KCND2: variants seen among roughly 807,000 people sequenced by gnomAD.
The protein encoded by KCND2 is potassium voltage-gated channel subfamily D member 2.
Under a neutral mutation model 54.4 loss-of-function variants are expected in KCND2, and 16 were observed. That is an observed-to-expected ratio of 0.29 (90% CI 0.20 to 0.45). The LOEUF is 0.45. Ranked by LOEUF, KCND2 falls within the 20% of genes least tolerant of loss-of-function variation. The pLI, the probability that KCND2 is intolerant of heterozygous loss-of-function variation, is 1.00. For synonymous variants in KCND2, 317 were observed against 310.7 expected, an observed-to-expected ratio of 1.02 and a Z score of -0.21; for missense variants, 486 against 824.2, an observed-to-expected ratio of 0.59 and a Z score of 5.02.
chr7:120,416,012 A>G (rs1255054477), intron 1 of KCND2, among the ~76,000 whole-genome samples: 1 of 152,196 alleles, frequency 6.6e-6, no homozygotes, highest in Non-Finnish European at 1.5e-5. Context: ...CTCCAGAGAT[A>G]TCTGAGTAAC....
intron 1 of KCND2, among the ~76,000 whole-genome samples, chr7:120,692,007 A>C (rs1792276012): frequency 6.6e-6 from 1 of 152,174 alleles, no homozygotes; most frequent in Non-Finnish European, 1.5e-5. Flanking sequence ...CAGATTTAGC[A>C]ATTTAGAGAA....
chr7:120,523,982 T>A (rs1178081436), intron 1 of KCND2, among the ~76,000 whole-genome samples: 1 of 152,006 alleles, frequency 6.6e-6, no homozygotes, highest in Non-Finnish European at 1.5e-5. Context: ...AGGCCTGTAA[T>A]CCCAGCACTT....
chr7:120,459,615 A>G (rs1199997588), intron 1 of KCND2, among the ~76,000 whole-genome samples: 2 of 152,212 alleles, frequency 1.3e-5, no homozygotes, highest in African/African-American at 4.8e-5. Flanking sequence ...CACATTGCCT[A>G]AAATAGTAAG....
At chr7:120,638,937 A>G (rs1309968967) in intron 1 of KCND2, among the ~76,000 whole-genome samples, 1 of 152,140 alleles carries the variant, frequency 6.6e-6, no homozygotes, top group Non-Finnish European at 1.5e-5. Context: ...AACTTTTAAA[A>G]GTGAAAACCA....
At chr7:120,599,673 G>A (rs1792790176) in intron 1 of KCND2, among the ~76,000 whole-genome samples, 1 of 151,942 alleles carries the variant, frequency 6.6e-6, no homozygotes, top group Non-Finnish European at 1.5e-5. Context: ...GTGCTACCTT[G>A]TTAAACTCAT....
chr7:120,574,125 ACTTTTT>A (rs1792398201), intron 1 of KCND2, among the ~76,000 whole-genome samples: 1 of 152,200 alleles, frequency 6.6e-6, no homozygotes, highest in Non-Finnish European at 1.5e-5. Flanking sequence ...AAGATCCTTG[ACTTTTT>A]CTTGTTCTTT....
chr7:120,727,857 C>T (rs904654527), intron 1 of KCND2, among the ~76,000 whole-genome samples: 7 of 151,704 alleles, frequency 4.6e-5, no homozygotes, highest in African/African-American at 1.7e-4. Context: ...TATGGGGGGC[C>T]GGGCACGGTG....
chr7:120,556,271 A>C (rs1389195113), intron 1 of KCND2, among the ~76,000 whole-genome samples: 1 of 152,210 alleles, frequency 6.6e-6, no homozygotes, highest in African/African-American at 2.4e-5. Context: ...GCCAAAGAGA[A>C]TAAATAGTCT....
chr7:120,481,986 G>A (rs12531730), intron 1 of KCND2, among the ~76,000 whole-genome samples: 19,123 of 152,158 alleles, frequency 0.13, 1,751 homozygotes, highest in East Asian at 0.49. Context: ...AGAACACAGA[G>A]CTATGAGGTC....
chr7:120,656,867 A>C (rs1384834826), intron 1 of KCND2, among the ~76,000 whole-genome samples: 2 of 152,192 alleles, frequency 1.3e-5, no homozygotes, highest in Admixed American at 6.5e-5. Context: ...AGGTGTATAA[A>C]GGGGAACAAC....
At chr7:120,694,514 A>G (rs1792310037) in intron 1 of KCND2, among the ~76,000 whole-genome samples, 1 of 152,174 alleles carries the variant, frequency 6.6e-6, no homozygotes, top group Non-Finnish European at 1.5e-5. Flanking sequence ...GGCCATGTAT[A>G]ATGACAAGTC....
chr7:120,479,873 A>G (rs1205875441), intron 1 of KCND2, among the ~76,000 whole-genome samples: 3 of 150,098 alleles, frequency 2.0e-5, no homozygotes, highest in East Asian at 3.9e-4. Flanking sequence ...TGGCTGAAGC[A>G]CAAGAATCAC....
At chr7:120,579,675 C>T (rs1792490427) in intron 1 of KCND2, among the ~76,000 whole-genome samples, 1 of 150,552 alleles carries the variant, frequency 6.6e-6, no homozygotes, top group Non-Finnish European at 1.5e-5. Flanking sequence ...TTAAATTGTC[C>T]TTTAAAATCT....
intron 1 of KCND2, among the ~76,000 whole-genome samples, chr7:120,508,780 A>G (rs536001206): frequency 4.3e-4 from 66 of 151,830 alleles, no homozygotes; most frequent in African/African-American, 1.5e-3. Context: ...AATATGACAT[A>G]TTTTTTCTGC....
chr7:120,582,791 C>A (rs779677240), intron 1 of KCND2, among the ~76,000 whole-genome samples: 4 of 152,072 alleles, frequency 2.6e-5, no homozygotes, highest in Non-Finnish European at 5.9e-5. Flanking sequence ...TATGGCCCAG[C>A]AGGTATTTTA....
intron 1 of KCND2, among the ~76,000 whole-genome samples, chr7:120,578,067 AAGAAGGAGAAGG>A (rs1157403504): frequency 6.6e-6 from 1 of 150,872 alleles, no homozygotes; most frequent in African/African-American, 2.4e-5. Flanking sequence ...GAAGAAGAAC[AAGAAGGAGAAGG>A]AGAAGGAGAA....
intron 1 of KCND2, among the ~76,000 whole-genome samples, chr7:120,617,734 G>A (rs1471622422): frequency 6.6e-6 from 1 of 152,086 alleles, no homozygotes; most frequent in Admixed American, 6.6e-5. Flanking sequence ...GCAAACACAT[G>A]GAATCAACCC....
chr7:120,397,987 G>A (rs371953749), intron 1 of KCND2, among the ~76,000 whole-genome samples: 63 of 35,196 alleles, frequency 1.8e-3, no homozygotes, highest in Non-Finnish European at 4.5e-3. Context: ...GTGTGTGTGT[G>A]TGTGTGTGTA....
intron 1 of KCND2, among the ~76,000 whole-genome samples, chr7:120,344,425 G>C (rs1584739501): frequency 6.6e-6 from 1 of 152,224 alleles, no homozygotes; most frequent in East Asian, 1.9e-4. Flanking sequence ...CTTTAAACCA[G>C]CACCTTCATA....
Sources: allele counts gnomAD v4.1 joint callset (sites outside exome capture counted in the v4.1 genomes callset), GRCh38; gene constraint gnomAD v4.1.1; transcripts MANE v1.5; gene names NCBI Gene and HGNC (gene_info 2026-07-23, HGNC 2026-07-21).